The following STAB2 variants were observed in gnomAD, a reference collection of about 807,000 sequenced individuals.
The protein encoded by STAB2 is stabilin 2.
In STAB2, 288 loss-of-function variants were observed where a neutral mutation model predicts 338.1. That is an observed-to-expected ratio of 0.85 (90% CI 0.77 to 0.94). STAB2 has a LOEUF of 0.94. Among genes scored for constraint, STAB2 ranks in the 40% least tolerant of loss-of-function variants. The pLI is 0.00. For missense variants in STAB2, 3,141 were observed against 3,210.1 expected, an observed-to-expected ratio of 0.98 and a Z score of 0.52; for synonymous variants, 1,202 against 1,193.3, an observed-to-expected ratio of 1.01 and a Z score of -0.15.
At chr12:103,715,650 C>A (rs570703959) in intron 42 of STAB2, among the ~76,000 whole-genome samples, 165 bp from the exon 43 acceptor site, 1 of 152,298 alleles carries the variant, frequency 6.6e-6, no homozygotes, top group East Asian at 1.9e-4. Context: ...ATATACAGTA[C>A]CCTCCTAGTT....
At chr12:103,743,365 A>G (rs1044013466) in intron 56 of STAB2, among the ~76,000 whole-genome samples, 1 of 152,154 alleles carries the variant, frequency 6.6e-6, no homozygotes, top group Non-Finnish European at 1.5e-5. Context: ...AGGGACTGAC[A>G]GGGACAAAAT....
At chr12:103,653,531 CATGGATGG>C (rs200766638) in intron 12 of STAB2, among the ~76,000 whole-genome samples, 1 of 149,350 alleles carries the variant, frequency 6.7e-6, no homozygotes, top group African/African-American at 2.5e-5. Flanking sequence ...ATGGATGATG[CATGGATGG>C]ATGGATGGAT....
At chr12:103,665,681 C>T (rs1278556496) in intron 18 of STAB2, among the ~76,000 whole-genome samples, 1 of 152,104 alleles carries the variant, frequency 6.6e-6, no homozygotes, top group Admixed American at 6.6e-5. Flanking sequence ...CGTTGGCCAA[C>T]ACCAATCAGA....
chr12:103,670,971 CAG>C lies in STAB2; in HGVS notation c.2371+167_2371+168del, dbSNP rs535851242. 9.8e-5 allele frequency among the ~76,000 whole-genome samples: 15 copies of C among 152,308 alleles called. No individual in the cohort carries two copies. In the South Asian group the frequency reaches 3.1e-3, roughly 32 times the overall value. On this transcript the variant is annotated intron_variant, in intron 22 of 68. Coordinates refer to ENST00000388887, the MANE Select transcript of STAB2 (RefSeq NM_017564.10). ...TTGGTTCTCAAACTGGAGCGTGTGT[CAG>C]AGGGCTGATCCCTGAGCCCCACCTG...
intron 18 of STAB2, among the ~76,000 whole-genome samples, chr12:103,664,618 A>G (rs78779616): frequency 0.027 from 4,139 of 152,308 alleles, 103 homozygotes; most frequent in East Asian, 0.1. Context: ...TTGGAACATG[A>G]GCATTAAACA....
At chr12:103,759,516 G>C (rs762204592) in intron 65 of STAB2, among the ~76,000 whole-genome samples, 1 of 152,210 alleles carries the variant, frequency 6.6e-6, no homozygotes, top group African/African-American at 2.4e-5. Context: ...CCATTTTAAA[G>C]CTGATTCTCC....
At chr12:103,705,532 T>A in intron 36 of STAB2, 100 bp from the exon 37 acceptor site, 1 of 909,376 alleles carries the variant, frequency 1.1e-6, no homozygotes, top group Non-Finnish European at 1.8e-6. Flanking sequence ...CACAACACTT[T>A]AGTCAGAGAG....
intron 19 of STAB2, among the ~76,000 whole-genome samples, chr12:103,667,020 A>C (rs1274294932): frequency 6.6e-6 from 1 of 152,220 alleles, no homozygotes; most frequent in Non-Finnish European, 1.5e-5. Flanking sequence ...ATTGGTGGTA[A>C]AAAGCAAAGT....
At chr12:103,624,874 G>A (rs1242156326) in intron 5 of STAB2, among the ~76,000 whole-genome samples, 1 of 150,066 alleles carries the variant, frequency 6.7e-6, no homozygotes, top group Non-Finnish European at 1.5e-5. Context: ...GGAGTCTGAG[G>A]TTGCAGTGAG....
intron 21 of STAB2, 62 bp from the exon 22 acceptor site, chr12:103,670,634 G>T: frequency 1.5e-6 from 2 of 1,322,448 alleles, no homozygotes; most frequent in South Asian, 1.2e-5. Flanking sequence ...GTCAGGCCAT[G>T]AAATGAAAAC....
rs1485183415 is a variant in STAB2 at position 103,638,032 on chromosome 12, A to C, written c.726A>C (p.Leu242Phe). The change falls in exon 8 of 69, where the codon TTA becomes TTC. Residue 242 changes from leucine (L) to phenylalanine (F), a missense_variant. Transcript: ENST00000388887. The stretch of plus-strand genomic sequence containing the variant: ...CCTCTCAAGCCATCAATCCATGTTT[A>C]CGAAAAATCTGCCACCCTCATGCTC... Reference protein sequence around the residue: ...GKYCDPINPCLRKICHPHAHC... With the variant: ...GKYCDPINPCFRKICHPHAHC... 6.2e-7 allele frequency: 1 copy of C among 1,611,590 alleles called. No homozygotes were observed. The highest frequency in any genetic ancestry group is 2.2e-5 in the East Asian group (1 of 44,860).
At chr12:103,740,470 T>C (rs1037121666) in intron 54 of STAB2, among the ~76,000 whole-genome samples, 160 bp from the exon 55 acceptor site, 5 of 152,012 alleles carry the variant, frequency 3.3e-5, no homozygotes, top group African/African-American at 1.2e-4. Flanking sequence ...TTGACTCCCA[T>C]AGGAAAAATA....
chr12:103,746,090 C>T (rs1253102443), intron 57 of STAB2, among the ~76,000 whole-genome samples: 2 of 152,126 alleles, frequency 1.3e-5, no homozygotes, highest in Non-Finnish European at 2.9e-5. Context: ...TGAGTTCCTC[C>T]TCCCTGTTCC....
chr12:103,591,047 A>G lies in STAB2; in HGVS notation c.215+17A>G. The G allele has an allele frequency of 6.2e-7, 1 of 1,613,066 alleles. No individual in the cohort carries two copies. The highest frequency in any genetic ancestry group is 8.5e-7 in the Non-Finnish European group (1 of 1,179,782). On this transcript the variant is annotated intron_variant, in intron 2 of 68. Coordinates refer to ENST00000388887, the MANE Select transcript of STAB2 (RefSeq NM_017564.10). ...AGATTGCAGGTACTCATGAGAAAAT[A>G]AACGTGATGGAACTATGAATCCAAC...
chr12:103,635,211 G>GCAGGCA (rs1450932093), intron 6 of STAB2, among the ~76,000 whole-genome samples: 3 of 152,200 alleles, frequency 2.0e-5, no homozygotes, highest in African/African-American at 7.2e-5. Flanking sequence ...GGAGCAAAGG[G>GCAGGCA]CAGGCATGCT....
chr12:103,743,846 G>A (rs1882784876), intron 56 of STAB2, among the ~76,000 whole-genome samples: 1 of 152,186 alleles, frequency 6.6e-6, no homozygotes, highest in South Asian at 2.1e-4. Context: ...TGGGCAAAGA[G>A]GAGGAAGAGA....
chr12:103,702,172 C>G (rs916932871), intron 34 of STAB2, among the ~76,000 whole-genome samples: 5 of 150,350 alleles, frequency 3.3e-5, no homozygotes, highest in African/African-American at 7.3e-5. Context: ...CAAATTGCAA[C>G]TCAAAGTTGA....
chr12:103,714,226 C>T (rs17034405), intron 42 of STAB2, among the ~76,000 whole-genome samples: 3,960 of 152,142 alleles, frequency 0.026, 199 homozygotes, highest in African/African-American at 0.092. Context: ...CAAAGTAACT[C>T]TCCCTGAAAA....
At chr12:103,596,713 G>A (rs1349083964) in intron 3 of STAB2, among the ~76,000 whole-genome samples, 1 of 152,180 alleles carries the variant, frequency 6.6e-6, no homozygotes, top group Non-Finnish European at 1.5e-5. Context: ...CAGGCAAAAA[G>A]GATTCAAGAT....
Sources: allele counts gnomAD v4.1 joint callset (sites outside exome capture counted in the v4.1 genomes callset), GRCh38; gene constraint gnomAD v4.1.1; transcripts MANE v1.5; gene names NCBI Gene and HGNC (gene_info 2026-07-23, HGNC 2026-07-21).